RBFOX1: variants seen among roughly 807,000 people sequenced by gnomAD.
RBFOX1 encodes the protein RNA binding protein fox-1 homolog 1.
RBFOX1 carries 8 observed loss-of-function variants against 57.7 expected under a neutral mutation model. That is an observed-to-expected ratio of 0.14 (90% CI 0.08 to 0.25). RBFOX1 has a LOEUF of 0.25. RBFOX1 is among the 10% of genes least tolerant of loss of function. The pLI is 1.00. For synonymous variants in RBFOX1, 326 were observed against 222.4 expected (o/e 1.47, Z -4.15); for missense variants, 611 against 548.5 (o/e 1.11, Z -1.14).
At chr16:7,407,888 T>C (rs2098373924) in intron 4 of RBFOX1, among the ~76,000 whole-genome samples, 1 of 152,170 alleles carries the variant, frequency 6.6e-6, no homozygotes, top group African/African-American at 2.4e-5. Flanking sequence ...GACAGAACAT[T>C]ATGGGAACAC....
chr16:6,884,560 C>G (rs1218590342), intron 3 of RBFOX1, among the ~76,000 whole-genome samples: 2 of 152,062 alleles, frequency 1.3e-5, no homozygotes, highest in African/African-American at 2.4e-5. Flanking sequence ...CATAAGACCT[C>G]AAATATGTTT....
At chr16:7,656,402 A>G (rs1384085794) in intron 12 of RBFOX1, among the ~76,000 whole-genome samples, 1 of 149,098 alleles carries the variant, frequency 6.7e-6, no homozygotes, top group Non-Finnish European at 1.5e-5. Flanking sequence ...TCCTCTTGGA[A>G]AGGAAGAGAG....
rs1568306694 is a variant in RBFOX1 at position 7,341,780 on chromosome 16, TTCCTTCC to T, written c.28-176365_28-176359del. Reference sequence around the variant, plus strand: ...CTTCCCTCCTTCCCTCCCTCCCTCCTTCCTTCCTTCCTTCCTTCCTTCCTTCCTTCCT... The same window carrying T: ...CTTCCCTCCTTCCCTCCCTCCCTCCTTTCCTTCCTTCCTTCCTTCCTTCCT... On this transcript the variant is annotated intron_variant, in intron 4 of 15. Coordinates refer to ENST00000550418, the MANE Select transcript of RBFOX1 (RefSeq NM_018723.4). Among the ~76,000 whole-genome samples, 173 of 56,402 alleles carry T rather than the reference TTCCTTCC, an allele frequency of 3.1e-3. 2 individuals carry two copies. The highest frequency in any genetic ancestry group is 5.6e-3 in the South Asian group (9 of 1,600). The allele number at this position is 56,402 out of a possible 152,430, so 37.0% of individuals were successfully genotyped here. A position where few individuals can be genotyped will look rare whatever the true frequency, so the allele number is the denominator to read the frequency against.
At chr16:5,767,714 G>T (rs1162153275) in intron 3 of RBFOX1, among the ~76,000 whole-genome samples, 1 of 152,088 alleles carries the variant, frequency 6.6e-6, no homozygotes, top group African/African-American at 2.4e-5. Context: ...ATGAAGCTTT[G>T]TTGACAGGGG....
At chr16:6,411,903 G>C (rs2093468709) in intron 2 of RBFOX1, among the ~76,000 whole-genome samples, 1 of 152,180 alleles carries the variant, frequency 6.6e-6, no homozygotes, top group African/African-American at 2.4e-5. Flanking sequence ...GGCGGCTGAG[G>C]TGGTCGGCTT....
At chr16:7,008,051 T>C (rs750128018) in intron 3 of RBFOX1, among the ~76,000 whole-genome samples, 1 of 152,182 alleles carries the variant, frequency 6.6e-6, no homozygotes, top group Non-Finnish European at 1.5e-5. Flanking sequence ...CTATATTCAG[T>C]TGAGAGCAAA....
intron 4 of RBFOX1, among the ~76,000 whole-genome samples, chr16:7,226,603 A>G (rs2093138481): frequency 6.6e-6 from 1 of 152,220 alleles, no homozygotes. Flanking sequence ...TTCCTGGAAC[A>G]GTGTTAAGTG....
At chr16:5,886,344 T>G (rs1016511008) in intron 4 of RBFOX1, among the ~76,000 whole-genome samples, 10 of 152,170 alleles carry the variant, frequency 6.6e-5, no homozygotes, top group Non-Finnish European at 1.3e-4. Context: ...ACATGTGAAG[T>G]GCTTAGCCCA....
At chr16:6,953,208 C>G (rs533374165) in intron 3 of RBFOX1, among the ~76,000 whole-genome samples, 1 of 151,996 alleles carries the variant, frequency 6.6e-6, no homozygotes, top group Non-Finnish European at 1.5e-5. Context: ...GGTATGTGTC[C>G]GGTGCTCTCA....
chr16:6,564,578 A>G (rs762183899), intron 2 of RBFOX1, among the ~76,000 whole-genome samples: 62 of 152,302 alleles, frequency 4.1e-4, no homozygotes, highest in Middle Eastern at 6.8e-3. Context: ...TCTCACTGAT[A>G]TATGGAATCT....
intron 3 of RBFOX1, among the ~76,000 whole-genome samples, chr16:6,659,651 T>G (rs2098688785): frequency 1.3e-5 from 2 of 152,164 alleles, no homozygotes; most frequent in African/African-American, 4.8e-5. Flanking sequence ...CCTCTTAGTT[T>G]CAATACTACC....
chr16:5,316,654 A>T (rs1355043002), intron 1 of RBFOX1, among the ~76,000 whole-genome samples: 1 of 152,214 alleles, frequency 6.6e-6, no homozygotes, highest in African/African-American at 2.4e-5. Flanking sequence ...TTGGGTGTCA[A>T]CTTGACTAAT....
chr16:7,414,168 C>T (rs1020439986), intron 4 of RBFOX1, among the ~76,000 whole-genome samples: 1 of 152,212 alleles, frequency 6.6e-6, no homozygotes. Flanking sequence ...AGTTATCCAA[C>T]AAGTGTTTCA....
intron 4 of RBFOX1, among the ~76,000 whole-genome samples, chr16:7,233,359 G>A (rs2093609060): frequency 6.6e-6 from 1 of 151,994 alleles, no homozygotes; most frequent in African/African-American, 2.4e-5. Context: ...TCCATGACAT[G>A]TTATTCACGT....
At chr16:6,118,627 CCTCT>C (rs1166180817) in intron 1 of RBFOX1, among the ~76,000 whole-genome samples, 1 of 151,086 alleles carries the variant, frequency 6.6e-6, no homozygotes, top group African/African-American at 2.4e-5. Context: ...CTCCTCCCTC[CCTCT>C]CTCCCTCTCT....
chr16:6,421,839 T>TC (rs998330266), intron 2 of RBFOX1, among the ~76,000 whole-genome samples: 5 of 143,850 alleles, frequency 3.5e-5, no homozygotes, highest in Admixed American at 6.9e-5. Flanking sequence ...CTAAAAGACC[T>TC]CCCCCCTCCT....
intron 11 of RBFOX1, 133 bp from the exon 12 acceptor site, chr16:7,653,680 CTT>C (rs1227717624): frequency 5.3e-6 from 7 of 1,320,074 alleles, no homozygotes; most frequent in Non-Finnish European, 6.2e-6. Context: ...TTTTTAACCT[CTT>C]GATTCCGGGA....
chr16:7,622,002 C>A (rs574319591), intron 10 of RBFOX1, among the ~76,000 whole-genome samples: 1 of 152,134 alleles, frequency 6.6e-6, no homozygotes, highest in African/African-American at 2.4e-5. Context: ...TTTCACTAGT[C>A]AAATGTTACT....
At chr16:6,469,522 G>C (rs2095127034) in intron 2 of RBFOX1, among the ~76,000 whole-genome samples, 2 of 152,152 alleles carry the variant, frequency 1.3e-5, no homozygotes, top group Non-Finnish European at 1.5e-5. Flanking sequence ...TTGAAAACAA[G>C]ACAAATACGG....
Sources: gnomAD v4.1 joint callset for allele counts (sites outside exome capture counted in the v4.1 genomes callset) on GRCh38, gnomAD v4.1.1 for gene constraint, MANE v1.5 for transcripts, NCBI Gene and HGNC (gene_info 2026-07-23, HGNC 2026-07-21) for gene names.